The following FHOD3 variants were observed in gnomAD, a reference collection of about 807,000 sequenced individuals.
FHOD3 encodes FH1/FH2 domain-containing protein 3.
A neutral mutation model predicts 173.0 loss-of-function variants in FHOD3; 90 were observed. That is an observed-to-expected ratio of 0.52 (90% CI 0.44 to 0.62). The LOEUF (loss-of-function observed/expected upper bound fraction) is 0.62, where lower values mean the gene tolerates loss of function less well. Among genes scored for constraint, FHOD3 ranks in the 20% least tolerant of loss-of-function variants. FHOD3 has a pLI of 0.00. For synonymous variants in FHOD3, 828 were observed against 823.0 expected (o/e 1.01, Z -0.10); for missense variants, 1,945 against 2,034.7 (o/e 0.96, Z 0.85).
At chr18:36,474,735 C>A (rs1408788187) in intron 3 of FHOD3, among the ~76,000 whole-genome samples, 1 of 152,064 alleles carries the variant, frequency 6.6e-6, no homozygotes, top group Non-Finnish European at 1.5e-5. Flanking sequence ...ATCACCTTTG[C>A]GTTAGACTGA....
intron 8 of FHOD3, among the ~76,000 whole-genome samples, 157 bp from the exon 9 acceptor site, chr18:36,611,795 C>T (rs558313092): frequency 1.0e-3 from 159 of 152,312 alleles, no homozygotes; most frequent in Non-Finnish European, 1.4e-3. Context: ...GCCTGCCACA[C>T]TGAAGAGGCT....
chr18:36,609,306 C>T lies in FHOD3; in HGVS notation c.814-2646C>T, dbSNP rs554182058. On this transcript the variant is annotated intron_variant, in intron 8 of 28. Coordinates refer to ENST00000590592, the MANE Select transcript of FHOD3 (RefSeq NM_001281740.3). ...TGCAGGGTGGAACTGGGAGGGGAGG[C>T]CCAGGGACAGGTGGAAGTGTGGTAG... Among the ~76,000 whole-genome samples the T allele has an allele frequency of 1.6e-4, 25 of 151,682 alleles. 1 individual carries two copies. The South Asian group carries it at 5.0e-3, about 30-fold the overall frequency.
At chr18:36,468,472 C>G (rs2053081030) in intron 3 of FHOD3, among the ~76,000 whole-genome samples, 1 of 152,072 alleles carries the variant, frequency 6.6e-6, no homozygotes, top group African/African-American at 2.4e-5. Flanking sequence ...GCTCTGGAGA[C>G]AGGCCACAGG....
chr18:36,647,993 G>T (rs564172163), intron 10 of FHOD3, among the ~76,000 whole-genome samples: 1 of 151,966 alleles, frequency 6.6e-6, no homozygotes, highest in South Asian at 2.1e-4. Context: ...TATTTTATAT[G>T]TTGGTTAAAA....
At chr18:36,416,000 A>G (rs146370763) in intron 3 of FHOD3, among the ~76,000 whole-genome samples, 2 of 152,162 alleles carry the variant, frequency 1.3e-5, no homozygotes, top group African/African-American at 4.8e-5. Context: ...TTTCAAGCAC[A>G]TTGAATAGCT....
chr18:36,621,422 T>C (rs2033696884), intron 9 of FHOD3, among the ~76,000 whole-genome samples: 1 of 152,212 alleles, frequency 6.6e-6, no homozygotes, highest in Admixed American at 6.5e-5. Flanking sequence ...AATTTGAGCC[T>C]TATTCAGCTG....
At chr18:36,532,566 G>A (rs1241705282) in intron 5 of FHOD3, among the ~76,000 whole-genome samples, 1 of 152,136 alleles carries the variant, frequency 6.6e-6, no homozygotes, top group African/African-American at 2.4e-5. Context: ...TGAGTCTCCT[G>A]TCTACTCTAC....
At chr18:36,506,940 C>G (rs558886583) in intron 4 of FHOD3, among the ~76,000 whole-genome samples, 39 of 152,302 alleles carry the variant, frequency 2.6e-4, no homozygotes, top group African/African-American at 8.7e-4. Context: ...GATGTTTATT[C>G]TCTCCCCCCA....
At chr18:36,660,204 A>C (rs1600127780) in intron 14 of FHOD3, among the ~76,000 whole-genome samples, 1 of 152,060 alleles carries the variant, frequency 6.6e-6, no homozygotes, top group Non-Finnish European at 1.5e-5. Flanking sequence ...GGGAGGTGGA[A>C]GTTGCAGTGA....
At chr18:36,584,731 A>G (rs1284321162) in intron 6 of FHOD3, among the ~76,000 whole-genome samples, 1 of 152,192 alleles carries the variant, frequency 6.6e-6, no homozygotes, top group Non-Finnish European at 1.5e-5. Context: ...CCTGGATCCC[A>G]GTTCATGATC....
chr18:36,736,054 C>T (rs192444061), intron 20 of FHOD3, among the ~76,000 whole-genome samples: 12 of 152,200 alleles, frequency 7.9e-5, no homozygotes, highest in Non-Finnish European at 1.6e-4. Context: ...TTTCTGTGAC[C>T]CCTTCACGGG....
intron 5 of FHOD3, among the ~76,000 whole-genome samples, chr18:36,568,618 C>T (rs1565979): frequency 4.6e-5 from 7 of 151,914 alleles, no homozygotes; most frequent in Middle Eastern, 3.4e-3. Flanking sequence ...ACATACAGAG[C>T]TCAACCAAAT....
rs557628593 is a variant in FHOD3, at chr18:36,569,230, A to G, written c.512-7221A>G. 3.9e-5 allele frequency among the ~76,000 whole-genome samples: 6 copies of G among 152,338 alleles called. No homozygotes were observed. In the East Asian group the frequency reaches 9.6e-4, roughly 24 times the overall value. ...AAGACCCAACTAAATGCTGCTTACA[A>G]GAAACCCACTTATAATGCTATAGGT... On this transcript the variant is annotated intron_variant, in intron 5 of 28. Transcript: ENST00000590592.
intron 5 of FHOD3, 31 bp downstream of exon 5, chr18:36,512,574 C>T (rs750355965): frequency 1.1e-5 from 16 of 1,483,002 alleles, no homozygotes; most frequent in Non-Finnish European, 1.4e-5. Flanking sequence ...CAGCAGCTGC[C>T]CCAGCTGCAG....
Position 36,548,508 on chromosome 18 carries a change from G to A in FHOD3, c.512-27943G>A, listed in dbSNP as rs199705556. ...TTGGACATACGTGTACACAGTTGCC[G>A]CCATCATCACAACCAAGATAGTGGC... On this transcript the variant is annotated intron_variant, in intron 5 of 28. Coordinates refer to ENST00000590592, the MANE Select transcript of FHOD3 (RefSeq NM_001281740.3). Among the ~76,000 whole-genome samples, 13 of 152,204 alleles carry A rather than the reference G, an allele frequency of 8.5e-5. No homozygotes were observed. The East Asian group carries it at 2.1e-3, about 25-fold the overall frequency.
At chr18:36,386,466 C>T (rs1047528406) in intron 3 of FHOD3, among the ~76,000 whole-genome samples, 7 of 152,204 alleles carry the variant, frequency 4.6e-5, no homozygotes, top group Admixed American at 3.9e-4. Flanking sequence ...AAACAACGAG[C>T]AATTTCCGTG....
intron 14 of FHOD3, among the ~76,000 whole-genome samples, chr18:36,670,745 T>G (rs190467553): frequency 6.6e-6 from 1 of 152,198 alleles, no homozygotes; most frequent in African/African-American, 2.4e-5. Flanking sequence ...TTATTGGATG[T>G]CATATTTTGT....
intron 8 of FHOD3, among the ~76,000 whole-genome samples, chr18:36,603,831 T>G (rs779103879): frequency 1.1e-4 from 17 of 152,196 alleles, no homozygotes; most frequent in Non-Finnish European, 2.5e-4. Context: ...TCATTTTTCC[T>G]TGAGGGAATA....
chr18:36,745,071 GGT>G (rs571530207), intron 23 of FHOD3, among the ~76,000 whole-genome samples: 175 of 152,252 alleles, frequency 1.1e-3, no homozygotes, highest in Non-Finnish European at 2.2e-3. Context: ...GGTGGGCAAA[GGT>G]GGGGAAGGAT....
Sources: allele counts gnomAD v4.1 joint callset (sites outside exome capture counted in the v4.1 genomes callset), GRCh38; gene constraint gnomAD v4.1.1; transcripts MANE v1.5; gene names NCBI Gene and HGNC (gene_info 2026-07-23, HGNC 2026-07-21).